MKLN1: variants seen among roughly 807,000 people sequenced by gnomAD.
The protein encoded by MKLN1 is muskelin 1.
A neutral mutation model predicts 99.0 loss-of-function variants in MKLN1; 18 were observed. The ratio of observed to expected loss-of-function variants is 0.18; its 90% confidence interval spans 0.13 to 0.27. The LOEUF is 0.27. Among genes scored for constraint, MKLN1 ranks in the 10% least tolerant of loss-of-function variants. The probability of loss-of-function intolerance (pLI) is 1.00; values close to 1 mark genes in which losing one functional copy is unlikely to be tolerated. For missense variants in MKLN1, 621 were observed against 875.9 expected (o/e 0.71, Z 3.67); for synonymous variants, 288 against 293.2 (o/e 0.98, Z 0.18).
intron 2 of MKLN1, among the ~76,000 whole-genome samples, chr7:131,376,095 A>AATAT (rs60323728): frequency 0.029 from 3,073 of 106,446 alleles, 48 homozygotes; most frequent in South Asian, 0.041. Context: ...AATTCATGGA[A>AATAT]ATATATATAT....
intron 2 of MKLN1, among the ~76,000 whole-genome samples, chr7:131,379,739 G>A (rs1793781593): frequency 1.3e-5 from 2 of 152,182 alleles, no homozygotes; most frequent in African/African-American, 2.4e-5. Flanking sequence ...AAGGATAAAT[G>A]TTTGAGGTTA....
chr7:131,115,505 A>G (rs1795260810), intron 1 of MKLN1, among the ~76,000 whole-genome samples: 1 of 152,208 alleles, frequency 6.6e-6, no homozygotes, highest in Non-Finnish European at 1.5e-5. Flanking sequence ...CAGCACAGCT[A>G]GAGTTTCATA....
At chr7:131,230,014 G>C (rs1797218530) in intron 3 of MKLN1, among the ~76,000 whole-genome samples, 1 of 152,190 alleles carries the variant, frequency 6.6e-6, no homozygotes, top group African/African-American at 2.4e-5. Context: ...AGGGTCTGCT[G>C]TCCTGTGATG....
At chr7:131,329,091 T>C (rs1453617705) in intron 1 of MKLN1, among the ~76,000 whole-genome samples, 2 of 152,250 alleles carry the variant, frequency 1.3e-5, no homozygotes, top group South Asian at 2.1e-4. Context: ...CTGAGTATTT[T>C]ACTAAACAAA....
intron 17 of MKLN1, among the ~76,000 whole-genome samples, chr7:131,485,043 C>A (rs118045481): frequency 6.6e-6 from 1 of 152,010 alleles, no homozygotes; most frequent in East Asian, 1.9e-4. Flanking sequence ...GCAATTAGCA[C>A]AGCTGTTCTT....
At chr7:131,277,786 T>A (rs1294908706) in intron 3 of MKLN1, among the ~76,000 whole-genome samples, 1 of 152,230 alleles carries the variant, frequency 6.6e-6, no homozygotes, top group Non-Finnish European at 1.5e-5. Context: ...TTGTCTTTTC[T>A]TCTTTAAAAG....
At chr7:131,282,200 T>C (rs1402816747) in intron 3 of MKLN1, among the ~76,000 whole-genome samples, 1 of 151,752 alleles carries the variant, frequency 6.6e-6, no homozygotes, top group Non-Finnish European at 1.5e-5. Flanking sequence ...AAATACAAAA[T>C]TAGCTGGGCA....
At chr7:131,397,671 C>A (rs1794399639) in intron 5 of MKLN1, among the ~76,000 whole-genome samples, 1 of 152,068 alleles carries the variant, frequency 6.6e-6, no homozygotes, top group East Asian at 1.9e-4. Flanking sequence ...AGTGTTTGAG[C>A]CAGTATATGA....
chr7:131,383,701 A>G (rs1793917967), intron 2 of MKLN1, among the ~76,000 whole-genome samples: 1 of 152,152 alleles, frequency 6.6e-6, no homozygotes, highest in Non-Finnish European at 1.5e-5. Flanking sequence ...TTACCCTGTT[A>G]TTGAAGTCAG....
At chr7:131,307,672 G>A (rs1798488270) in intron 3 of MKLN1, among the ~76,000 whole-genome samples, 1 of 152,162 alleles carries the variant, frequency 6.6e-6, no homozygotes, top group African/African-American at 2.4e-5. Context: ...TAACCCCTCT[G>A]TTTTGGCCAG....
chr7:131,279,356 A>T (rs1249619096), intron 3 of MKLN1, among the ~76,000 whole-genome samples: 1 of 152,216 alleles, frequency 6.6e-6, no homozygotes, highest in Non-Finnish European at 1.5e-5. Context: ...ATCTCATGAC[A>T]TGCATCTTTG....
rs191255611 is a variant in MKLN1 at position 131,359,201 on chromosome 7, G to A, written c.99-16223G>A. Among the ~76,000 whole-genome samples, 101 of 152,092 alleles carry A rather than the reference G, an allele frequency of 6.6e-4. 1 individual carries two copies. Among genetic ancestry groups the A allele is most frequent in the Admixed American group, 2.2e-3 (33 of 15,282 alleles). On this transcript the variant is annotated intron_variant, in intron 1 of 17. Coordinates refer to ENST00000352689, the MANE Select transcript of MKLN1 (RefSeq NM_013255.5). ...CCTTTCACTGTATCCCACAAGTTTT[G>A]ATGTTTTGTTCTTAGTTTCACTTTG...
In MKLN1 at chr7:131,264,667, GT is replaced by G. The variant is rs934991690; in HGVS notation, c.-179+61695del. On this transcript the variant is annotated intron_variant, in intron 3 of 7. Transcript: ENST00000416992. ...GGTTTTTGGGTTTTTTTTCTTTTTA[GT>G]TATTATTGCTTATTCGTGTTTGTTT... 9.9e-4 allele frequency among the ~76,000 whole-genome samples: 151 copies of G among 151,898 alleles called. 1 individual carries two copies. The highest frequency in any genetic ancestry group is 3.0e-3 in the African/African-American group (125 of 41,444).
At chr7:131,206,263 A>G (rs1335192143) in intron 3 of MKLN1, among the ~76,000 whole-genome samples, 4 of 152,116 alleles carry the variant, frequency 2.6e-5, no homozygotes, top group South Asian at 2.1e-4. Flanking sequence ...AAAGTAAACT[A>G]ATTTGGAACT....
intron 12 of MKLN1, among the ~76,000 whole-genome samples, chr7:131,457,833 T>C (rs1286694256): frequency 6.6e-6 from 1 of 152,104 alleles, no homozygotes; most frequent in Non-Finnish European, 1.5e-5. Context: ...GGAGAATTGC[T>C]TAAACCCACA....
chr7:131,141,743 T>G (rs2116259617), intron 1 of MKLN1, among the ~76,000 whole-genome samples: 1 of 152,334 alleles, frequency 6.6e-6, no homozygotes, highest in Non-Finnish European at 1.5e-5. Context: ...TCCCTAAATC[T>G]GGGTTAGGTT....
chr7:131,273,815 T>C (rs1797922268), intron 3 of MKLN1, among the ~76,000 whole-genome samples: 1 of 151,696 alleles, frequency 6.6e-6, no homozygotes, highest in Admixed American at 6.6e-5. Flanking sequence ...CATAGCGAGA[T>C]CCCATCTCTA....
chr7:131,272,714 C>T lies in MKLN1; in HGVS notation c.-179+69740C>T, dbSNP rs540665319. The stretch of plus-strand genomic sequence containing the variant: ...GGTGGGAGGTGAAAGGCACTTCTTA[C>T]ATGGTGGTAGCAAGAGAAAAATGAG... On this transcript the variant is annotated intron_variant, in intron 3 of 7. Transcript: ENST00000416992. 8.7e-4 allele frequency among the ~76,000 whole-genome samples: 132 copies of T among 152,292 alleles called. 2 individuals are homozygous for T. Among genetic ancestry groups the T allele is most frequent in the Admixed American group, 7.8e-3 (119 of 15,286 alleles).
chr7:131,258,090 C>T (rs1197510861), intron 3 of MKLN1, among the ~76,000 whole-genome samples: 1 of 150,528 alleles, frequency 6.6e-6, no homozygotes, highest in Admixed American at 6.6e-5. Flanking sequence ...CACTGCACTC[C>T]AGCCTGGGTG....
Sources: allele counts gnomAD v4.1 joint callset (sites outside exome capture counted in the v4.1 genomes callset), GRCh38; gene constraint gnomAD v4.1.1; transcripts MANE v1.5; gene names NCBI Gene and HGNC (gene_info 2026-07-23, HGNC 2026-07-21).